Variants in FARP1 observed in about 807,000 individuals in gnomAD.
FARP1 encodes the protein FERM, ARHGEF and pleckstrin domain-containing protein 1.
A neutral mutation model predicts 128.8 loss-of-function variants in FARP1; 52 were observed. That is an observed-to-expected ratio of 0.40 (90% CI 0.32 to 0.51). The LOEUF (loss-of-function observed/expected upper bound fraction) is 0.51, where lower values mean the gene tolerates loss of function less well. Ranked by LOEUF, FARP1 falls within the 20% of genes least tolerant of loss-of-function variation. The pLI, the probability that FARP1 is intolerant of heterozygous loss-of-function variation, is 0.45. For synonymous variants in FARP1, 580 were observed against 551.8 expected, an observed-to-expected ratio of 1.05 and a Z score of -0.72; for missense variants, 1,333 against 1,367.9, an observed-to-expected ratio of 0.97 and a Z score of 0.40.
At chr13:98,274,328 T>TG (rs1213155601) in intron 2 of FARP1, among the ~76,000 whole-genome samples, 1 of 152,110 alleles carries the variant, frequency 6.6e-6, no homozygotes, top group Non-Finnish European at 1.5e-5. Context: ...CGGGGCAGCG[T>TG]GGGGCTCCTC....
intron 19 of FARP1, chr13:98,437,975 A>G: frequency 2.2e-6 from 2 of 899,102 alleles, no homozygotes; most frequent in South Asian, 3.2e-5. Context: ...CAGAATGGGA[A>G]GGTGGGATCG....
At chr13:98,269,826 T>C (rs1030593448) in intron 2 of FARP1, among the ~76,000 whole-genome samples, 1 of 152,234 alleles carries the variant, frequency 6.6e-6, no homozygotes, top group Non-Finnish European at 1.5e-5. Flanking sequence ...TATTTAAGAC[T>C]TACCATGGGC....
intron 3 of FARP1, among the ~76,000 whole-genome samples, chr13:98,348,209 G>A (rs192919396): frequency 1.2e-4 from 18 of 152,348 alleles, no homozygotes; most frequent in African/African-American, 3.4e-4. Context: ...GTGTTGACAC[G>A]CAAGCTTGGC....
In FARP1 at chr13:98,454,233, T is replaced by A. The variant is rs1322329822; in HGVS notation, c.*5916T>A. On this transcript the variant is annotated 3_prime_UTR_variant, in exon 27 of 27. Transcript: ENST00000319562. The stretch of plus-strand genomic sequence containing the variant: ...GATGCTGATGAGATTTGGGCTACAG[T>A]GGTGGGATCATGGGTAATTTCTGTG... 6.6e-6 allele frequency: 1 copy of A among 152,178 alleles called. No homozygotes were observed. The highest frequency in any genetic ancestry group is 1.5e-5 in the Non-Finnish European group (1 of 68,030). The allele number at this position is 152,178 out of a possible 1,614,324, so 9.4% of individuals were successfully genotyped here.
In FARP1 at chr13:98,448,609, C is replaced by T; in HGVS notation, c.*292C>T. 1 of 362,480 alleles carries T rather than the reference C, an allele frequency of 2.8e-6. No individual in the cohort carries two copies. The highest frequency in any genetic ancestry group is 5.1e-6 in the Non-Finnish European group (1 of 197,884). The allele number at this position is 362,480 out of a possible 1,614,324, so 22.5% of individuals were successfully genotyped here. ...CAAATGACATCTTCCCTCCACCCTG[C>T]CCCTGAAAAACAGTACACACACATC... On this transcript the variant is annotated 3_prime_UTR_variant, in exon 27 of 27. Coordinates refer to ENST00000319562, the MANE Select transcript of FARP1 (RefSeq NM_005766.4).
intron 2 of FARP1, among the ~76,000 whole-genome samples, chr13:98,307,961 GTT>G (rs1363818218): frequency 6.6e-6 from 1 of 150,618 alleles, no homozygotes. Flanking sequence ...CCTGCCTTAT[GTT>G]CCTTAGCCCT....
At chr13:98,193,815 T>G (rs1879395895) in intron 1 of FARP1, among the ~76,000 whole-genome samples, 1 of 152,246 alleles carries the variant, frequency 6.6e-6, no homozygotes, top group South Asian at 2.1e-4. Flanking sequence ...AGGAGATGAT[T>G]GTGGCCTGAT....
In FARP1 at chr13:98,158,579, C is replaced by T. The variant is rs115168113; in HGVS notation, c.-24+15087C>T. 5.2e-3 allele frequency among the ~76,000 whole-genome samples: 792 copies of T among 152,206 alleles called. 8 individuals carry two copies. The highest frequency in any genetic ancestry group is 0.018 in the African/African-American group (756 of 41,536). Reference sequence around the variant, plus strand: ...TGCTTTGGTTTTGGAGGTAGAATAGCATAAGCATGAACTCAGGCTCCAGGT... The same window carrying T: ...TGCTTTGGTTTTGGAGGTAGAATAGTATAAGCATGAACTCAGGCTCCAGGT... On this transcript the variant is annotated intron_variant, in intron 1 of 26. Coordinates refer to ENST00000319562, the MANE Select transcript of FARP1 (RefSeq NM_005766.4).
At chr13:98,445,425 G>A (rs1281371946) in intron 24 of FARP1, 2 of 152,224 alleles carry the variant, frequency 1.3e-5, no homozygotes, top group African/African-American at 2.4e-5. Context: ...CCCCCTAGCT[G>A]GGCTGCAGCG....
At chr13:98,341,748 A>G (rs1887983415) in intron 2 of FARP1, among the ~76,000 whole-genome samples, 1 of 152,248 alleles carries the variant, frequency 6.6e-6, no homozygotes, top group South Asian at 2.1e-4. Context: ...CCATTTTACT[A>G]TCAGTCACTG....
rs763059733 is a variant in FARP1 at position 98,438,762 on chromosome 13, C to G, written c.2275-42C>G. ...CACACTGGCCGTCAGCCCTTGGGGT[C>G]CGCACGCTCGCAGCCAGCCCTCCGG... On this transcript the variant is annotated intron_variant, in intron 19 of 26. Coordinates refer to ENST00000319562, the MANE Select transcript of FARP1 (RefSeq NM_005766.4). 14 of 1,563,414 alleles carry G rather than the reference C, an allele frequency of 9.0e-6. No individual in the cohort carries two copies. The East Asian group carries it at 2.9e-4, about 33-fold the overall frequency.
At chr13:98,267,079 G>C (rs1884155861) in intron 2 of FARP1, among the ~76,000 whole-genome samples, 1 of 151,030 alleles carries the variant, frequency 6.6e-6, no homozygotes, top group South Asian at 2.1e-4. Flanking sequence ...ATTTCACCTA[G>C]GTGTTAAATG....
At chr13:98,203,324 T>G (rs1880073711) in intron 1 of FARP1, among the ~76,000 whole-genome samples, 1 of 152,210 alleles carries the variant, frequency 6.6e-6, no homozygotes. Context: ...CAGAGTTGGG[T>G]GACCATCACC....
chr13:98,349,676 A>AGG (rs1888328245), intron 3 of FARP1, among the ~76,000 whole-genome samples: 3 of 73,246 alleles, frequency 4.1e-5, no homozygotes, highest in African/African-American at 1.9e-4. Flanking sequence ...CTCAGGGAAA[A>AGG]AAAAAAAAAA....
At chr13:98,447,908 G>A (rs1892953511) in intron 26 of FARP1, 1 of 354,190 alleles carries the variant, frequency 2.8e-6, no homozygotes, top group South Asian at 3.9e-5. Flanking sequence ...GACACGTCCC[G>A]CCATTCTCTG....
intron 15 of FARP1, among the ~76,000 whole-genome samples, chr13:98,411,494 A>G (rs1347350570): frequency 6.6e-6 from 1 of 152,200 alleles, no homozygotes. Flanking sequence ...AGGTTTGGCC[A>G]CCTTCATGCC....
In FARP1 at chr13:98,375,436, A is replaced by G. The variant is rs1021033740; in HGVS notation, c.399-2385A>G. Among the ~76,000 whole-genome samples, 14 of 152,182 alleles carry G rather than the reference A, an allele frequency of 9.2e-5. 1 individual carries two copies. The highest frequency in any genetic ancestry group is 7.9e-4 in the Admixed American group (12 of 15,276). On this transcript the variant is annotated intron_variant, in intron 5 of 26. Transcript: ENST00000319562. ...TTTACTTTATGGGAGATAAACCTGTAAAACCTTTCTTCAACTACTTGGCTG... is the reference window on the plus strand; with the variant it reads ...TTTACTTTATGGGAGATAAACCTGTGAAACCTTTCTTCAACTACTTGGCTG...
intron 1 of FARP1, among the ~76,000 whole-genome samples, chr13:98,165,929 A>G (rs1877236350): frequency 1.3e-5 from 2 of 151,920 alleles, no homozygotes; most frequent in Non-Finnish European, 2.9e-5. Flanking sequence ...CATGTTGGCC[A>G]GGCTCGTCTC....
At chr13:98,305,755 C>G (rs1419781376) in intron 2 of FARP1, among the ~76,000 whole-genome samples, 1 of 152,222 alleles carries the variant, frequency 6.6e-6, no homozygotes, top group Non-Finnish European at 1.5e-5. Flanking sequence ...GGCTGCACAT[C>G]TAGAGTCTCT....
Sources: allele counts gnomAD v4.1 joint callset (sites outside exome capture counted in the v4.1 genomes callset), GRCh38; gene constraint gnomAD v4.1.1; transcripts MANE v1.5; gene names NCBI Gene and HGNC (gene_info 2026-07-23, HGNC 2026-07-21).